The following GALNTL6 variants were observed in gnomAD, a reference collection of about 807,000 sequenced individuals.
GALNTL6 encodes the protein polypeptide N-acetylgalactosaminyltransferase-like 6.
GALNTL6 carries 46 observed loss-of-function variants against 73.7 expected under a neutral mutation model. The ratio of observed to expected loss-of-function variants is 0.62; its 90% CI spans 0.49 to 0.80. The LOEUF (loss-of-function observed/expected upper bound fraction) is 0.80. Among genes scored for constraint, GALNTL6 ranks in the 30% least tolerant of loss-of-function variants. The pLI, the probability that GALNTL6 is intolerant of heterozygous loss-of-function variation, is 0.00. For missense variants in GALNTL6, 604 were observed against 755.0 expected (o/e 0.80, Z 2.34); for synonymous variants, 259 against 263.7 (o/e 0.98, Z 0.17).
At chr4:172,526,471 C>T (rs1441807325) in intron 5 of GALNTL6, among the ~76,000 whole-genome samples, 3 of 152,194 alleles carry the variant, frequency 2.0e-5, no homozygotes, top group Non-Finnish European at 4.4e-5. Flanking sequence ...TGGCAGTCAA[C>T]TCCAGTCTTT....
intron 8 of GALNTL6, among the ~76,000 whole-genome samples, chr4:172,886,139 T>G (rs1328359909): frequency 6.6e-6 from 1 of 152,208 alleles, no homozygotes; most frequent in Non-Finnish European, 1.5e-5. Flanking sequence ...TCCTTAAAAG[T>G]TTGGTAGAAA....
chr4:172,094,799 T>G (rs1389357833), intron 2 of GALNTL6, among the ~76,000 whole-genome samples: 1 of 152,132 alleles, frequency 6.6e-6, no homozygotes, highest in Non-Finnish European at 1.5e-5. Flanking sequence ...TGTAATCCAC[T>G]TTTTTCTTGA....
intron 2 of GALNTL6, among the ~76,000 whole-genome samples, chr4:171,978,410 C>A (rs2111075741): frequency 6.6e-6 from 1 of 152,156 alleles, no homozygotes; most frequent in African/African-American, 2.4e-5. Flanking sequence ...AGGCAGGAAT[C>A]AGAAAAGGAG....
chr4:172,787,397 C>A (rs530850921), intron 5 of GALNTL6, among the ~76,000 whole-genome samples: 113 of 152,294 alleles, frequency 7.4e-4, no homozygotes, highest in African/African-American at 2.5e-3. Context: ...TCTGGAGATA[C>A]TGACACCTAG....
intron 5 of GALNTL6, among the ~76,000 whole-genome samples, chr4:172,699,259 C>CA (rs1275417251): frequency 1.7e-4 from 26 of 152,226 alleles, no homozygotes; most frequent in African/African-American, 5.1e-4. Flanking sequence ...CAGGGGGACA[C>CA]AAACATTTAG....
chr4:172,634,474 G>A (rs1253407065), intron 5 of GALNTL6, among the ~76,000 whole-genome samples: 8 of 152,104 alleles, frequency 5.3e-5, no homozygotes, highest in African/African-American at 1.4e-4. Context: ...TCTTGGTGGG[G>A]CAGTGTATGT....
At chr4:171,878,173 A>C (rs759553802) in intron 2 of GALNTL6, among the ~76,000 whole-genome samples, 6 of 152,226 alleles carry the variant, frequency 3.9e-5, no homozygotes, top group Non-Finnish European at 8.8e-5. Flanking sequence ...GATATGTCAT[A>C]TCTGGATAGT....
At chr4:172,585,069 A>G (rs957173226) in intron 5 of GALNTL6, among the ~76,000 whole-genome samples, 2 of 151,990 alleles carry the variant, frequency 1.3e-5, no homozygotes, top group African/African-American at 2.4e-5. Flanking sequence ...ACTTAAAAGC[A>G]TCTGCTGAAT....
At position 172,580,191 on chromosome 4, in the gene GALNTL6, T is replaced by C. The variant is rs188433184; in HGVS notation, c.554-229170T>C. ...AACCTGCTCAGAAAACAAGCCAACATGAGGAAAATCAATGAAAACAGCAAA... is the reference window on the plus strand; with the variant it reads ...AACCTGCTCAGAAAACAAGCCAACACGAGGAAAATCAATGAAAACAGCAAA... On this transcript the variant is annotated intron_variant, in intron 5 of 12. Coordinates refer to ENST00000506823, the MANE Select transcript of GALNTL6 (RefSeq NM_001034845.3). 1.7e-3 allele frequency among the ~76,000 whole-genome samples: 261 copies of C among 152,046 alleles called. 1 individual carries two copies. The highest frequency in any genetic ancestry group is 5.6e-3 in the African/African-American group (231 of 41,462).
intron 10 of GALNTL6, among the ~76,000 whole-genome samples, chr4:172,959,639 G>T (rs1006821469): frequency 6.6e-6 from 1 of 152,032 alleles, no homozygotes; most frequent in Non-Finnish European, 1.5e-5. Flanking sequence ...GTCTTCAGCC[G>T]CTAAGCTGAG....
intron 5 of GALNTL6, among the ~76,000 whole-genome samples, chr4:172,586,475 G>GA (rs5864138): frequency 0.042 from 5,292 of 127,060 alleles, 194 homozygotes; most frequent in African/African-American, 0.099. Context: ...TGGGAATTCA[G>GA]AAAAAAAAAA....
At chr4:171,845,844 ATAAT>A (rs1325215248) in intron 2 of GALNTL6, among the ~76,000 whole-genome samples, 1 of 152,206 alleles carries the variant, frequency 6.6e-6, no homozygotes, top group Non-Finnish European at 1.5e-5. Flanking sequence ...ACAGTTCTTA[ATAAT>A]TAATACAGGC....
At chr4:172,461,287 C>T (rs189602426) in intron 5 of GALNTL6, among the ~76,000 whole-genome samples, 37 of 152,214 alleles carry the variant, frequency 2.4e-4, no homozygotes, top group South Asian at 4.1e-4. Context: ...ATGAGTGCAG[C>T]GAACCACCAT....
At chr4:172,368,191 C>T (rs1742639421) in intron 5 of GALNTL6, among the ~76,000 whole-genome samples, 1 of 151,948 alleles carries the variant, frequency 6.6e-6, no homozygotes, top group Non-Finnish European at 1.5e-5. Flanking sequence ...CTAGTCTAGA[C>T]AACATAGTAA....
intron 5 of GALNTL6, chr4:172,668,293 T>C (rs1325191624): frequency 2.0e-5 from 3 of 152,178 alleles, no homozygotes; most frequent in Admixed American, 1.3e-4. Context: ...AGAGCTAAAT[T>C]TGAAATGTCA....
At chr4:171,998,423 G>A (rs1740563401) in intron 2 of GALNTL6, among the ~76,000 whole-genome samples, 1 of 152,018 alleles carries the variant, frequency 6.6e-6, no homozygotes, top group Non-Finnish European at 1.5e-5. Context: ...TCTCCTGAGT[G>A]TCTTGAACTC....
intron 12 of GALNTL6, 81 bp downstream of exon 12, chr4:173,021,706 G>A (rs538592383): frequency 2.5e-5 from 36 of 1,456,320 alleles, no homozygotes; most frequent in East Asian, 2.1e-4. Context: ...AAAACACACC[G>A]TTTTAGGCCT....
chr4:172,775,639 A>T (rs1437099878), intron 5 of GALNTL6, among the ~76,000 whole-genome samples: 1 of 152,130 alleles, frequency 6.6e-6, no homozygotes, highest in Non-Finnish European at 1.5e-5. Context: ...AAACCATAGG[A>T]TGACTCCCCA....
chr4:172,873,559 A>G (rs184356973), intron 7 of GALNTL6, among the ~76,000 whole-genome samples: 1 of 152,348 alleles, frequency 6.6e-6, no homozygotes, highest in East Asian at 1.9e-4. Flanking sequence ...CAAAGCTGCC[A>G]TAGATCGTGA....
Sources: allele counts gnomAD v4.1 joint callset (sites outside exome capture counted in the v4.1 genomes callset), GRCh38; gene constraint gnomAD v4.1.1; transcripts MANE v1.5; gene names NCBI Gene and HGNC (gene_info 2026-07-23, HGNC 2026-07-21).